The following TDRD5 variants were observed in gnomAD, a reference collection of about 807,000 sequenced individuals.
The protein encoded by TDRD5 is tudor domain-containing protein 5.
A neutral mutation model predicts 120.6 loss-of-function variants in TDRD5; 41 were observed. The observed-to-expected ratio is 0.34, with a 90% CI of 0.26 to 0.44. The LOEUF (loss-of-function observed/expected upper bound fraction) is 0.44, where lower values mean the gene tolerates loss of function less well. Among genes scored for constraint, TDRD5 ranks in the 20% least tolerant of loss-of-function variants. TDRD5 has a pLI of 1.00. For missense variants in TDRD5, 1,006 were observed against 1,221.2 expected, an observed-to-expected ratio of 0.82 and a Z score of 2.63; for synonymous variants, 430 against 433.7, an observed-to-expected ratio of 0.99 and a Z score of 0.11.
In TDRD5 at chr1:179,618,681, T is replaced by C; in HGVS notation, c.914T>C (p.Phe305Ser). Residue 305 changes from phenylalanine to serine, a missense_variant and splice_region_variant, in exon 5 of 18, where the codon TTT becomes TCT. Physicochemically the swap from Phe to Ser is radical, Grantham distance 155. Coordinates refer to ENST00000444136, the MANE Select transcript of TDRD5 (RefSeq NM_001199085.3). Reference protein sequence around the residue: ...ISSELKHKIKFVVSKFPEGLF... With the variant: ...ISSELKHKIKSVVSKFPEGLF... ...TCAGAACTAAAACATAAGATAAAAT[T>C]TGTAAGTAATTTCTGTTTCTGGGAG... 6.4e-7 allele frequency: 1 copy of C among 1,569,160 alleles called. No individual in the cohort carries two copies. Among genetic ancestry groups the C allele is most frequent in the South Asian group, 1.2e-5 (1 of 81,418 alleles).
chr1:179,625,554 A>C (rs981194081), intron 6 of TDRD5, among the ~76,000 whole-genome samples: 10 of 152,180 alleles, frequency 6.6e-5, no homozygotes, highest in African/African-American at 2.4e-4. Flanking sequence ...ATAAACTCAC[A>C]TTTTTGGTGC....
chr1:179,620,950 T>A, intron 5 of TDRD5, 85 bp from the exon 6 acceptor site: 1 of 1,084,344 alleles, frequency 9.2e-7, no homozygotes, highest in Non-Finnish European at 1.3e-6. Flanking sequence ...CTTTTGCCTT[T>A]GTTGTTATTT....
At chr1:179,637,700 G>A (rs1677839063) in intron 9 of TDRD5, among the ~76,000 whole-genome samples, 1 of 134,482 alleles carries the variant, frequency 7.4e-6, no homozygotes, top group Non-Finnish European at 1.6e-5. Context: ...GGGCAACAGA[G>A]TAAGGCCCTG....
Position 179,653,529 on chromosome 1 carries a change from A to C in TDRD5, c.2161-672A>C, listed in dbSNP as rs550238451. On this transcript the variant is annotated intron_variant, in intron 13 of 17. Coordinates refer to ENST00000444136, the MANE Select transcript of TDRD5 (RefSeq NM_001199085.3). ...ACTTTCCAAAGCCTGAATTTTTCTT[A>C]GTCATTATTACTGGACTAGGAGAAT... 4.3e-4 allele frequency among the ~76,000 whole-genome samples: 65 copies of C among 152,274 alleles called. No homozygotes were observed. The Middle Eastern group carries it at 0.01, about 24-fold the overall frequency.
intron 11 of TDRD5, among the ~76,000 whole-genome samples, chr1:179,641,455 G>T (rs543911251): frequency 6.6e-6 from 1 of 151,882 alleles, no homozygotes; most frequent in East Asian, 1.9e-4. Context: ...GCTTGAACCC[G>T]GGAGGCGGAG....
intron 6 of TDRD5, among the ~76,000 whole-genome samples, chr1:179,625,188 A>T (rs72706736): frequency 0.048 from 7,363 of 151,840 alleles, 267 homozygotes; most frequent in Non-Finnish European, 0.069. Flanking sequence ...AAATTATTTC[A>T]AGATGTATCA....
intron 3 of TDRD5, 140 bp downstream of exon 3, chr1:179,594,007 T>C: frequency 6.3e-6 from 7 of 1,107,612 alleles, no homozygotes; most frequent in Non-Finnish European, 8.8e-6. Flanking sequence ...TTCAATCTAC[T>C]TAAGCCTTAG....
chr1:179,611,961 A>G (rs963812579), intron 4 of TDRD5, among the ~76,000 whole-genome samples: 3 of 152,214 alleles, frequency 2.0e-5, no homozygotes, highest in African/African-American at 7.2e-5. Flanking sequence ...CAAACACTAC[A>G]AAATTATCAG....
chr1:179,622,027 T>C (rs1167980873), intron 6 of TDRD5, among the ~76,000 whole-genome samples: 4 of 152,204 alleles, frequency 2.6e-5, no homozygotes, highest in Admixed American at 1.3e-4. Flanking sequence ...TGTTAAGATA[T>C]ATAATTCTGT....
intron 5 of TDRD5, among the ~76,000 whole-genome samples, chr1:179,619,713 C>G (rs1558383733): frequency 6.6e-6 from 1 of 151,884 alleles, no homozygotes; most frequent in African/African-American, 2.4e-5. Flanking sequence ...ACCATCAACT[C>G]TGGGCTCAAG....
chr1:179,595,827 T>G lies in TDRD5; in HGVS notation c.831+9T>G, dbSNP rs760859378. The G allele has an allele frequency of 7.5e-6, 12 of 1,594,718 alleles. No homozygotes were observed. The highest frequency in any genetic ancestry group is 1.0e-5 in the Non-Finnish European group (12 of 1,171,458). On this transcript the variant is annotated intron_variant, in intron 4 of 17. Coordinates refer to ENST00000444136, the MANE Select transcript of TDRD5 (RefSeq NM_001199085.3). ...CTGAAAAATTAAACCAGGTGAGAGA[T>G]AAGAATTTGGAGATATAAATATACG...
chr1:179,660,442 A>G (rs1259067913), intron 14 of TDRD5, among the ~76,000 whole-genome samples: 1 of 151,474 alleles, frequency 6.6e-6, no homozygotes, highest in East Asian at 1.9e-4. Context: ...GGATGGTCTC[A>G]ATCTCCTGAC....
chr1:179,675,501 G>A (rs1423207304), intron 17 of TDRD5, among the ~76,000 whole-genome samples: 9 of 150,862 alleles, frequency 6.0e-5, no homozygotes, highest in Non-Finnish European at 1.2e-4. Flanking sequence ...GGATGGTCTC[G>A]ATCTCCTGAC....
chr1:179,600,027 A>T (rs547720144), intron 4 of TDRD5, among the ~76,000 whole-genome samples: 1 of 152,308 alleles, frequency 6.6e-6, no homozygotes, highest in Non-Finnish European at 1.5e-5. Context: ...TTACTAAAAA[A>T]ATTAATTGTA....
At chr1:179,685,854 G>A (rs1337958134) in intron 17 of TDRD5, among the ~76,000 whole-genome samples, 1 of 152,178 alleles carries the variant, frequency 6.6e-6, no homozygotes, top group Admixed American at 6.5e-5. Flanking sequence ...GTCTGTTATT[G>A]GTGTATAGTA....
intron 17 of TDRD5, among the ~76,000 whole-genome samples, chr1:179,680,884 A>C (rs535835942): frequency 6.6e-6 from 1 of 152,320 alleles, no homozygotes; most frequent in East Asian, 1.9e-4. Flanking sequence ...CCTCACTTTA[A>C]AGGTAGGAAA....
At chr1:179,616,830 C>T (rs887720031) in intron 4 of TDRD5, among the ~76,000 whole-genome samples, 1 of 152,140 alleles carries the variant, frequency 6.6e-6, no homozygotes, top group East Asian at 1.9e-4. Flanking sequence ...GATGTTTATG[C>T]GTTGATCTCA....
At chr1:179,685,497 T>C (rs542115764) in intron 17 of TDRD5, among the ~76,000 whole-genome samples, 1 of 152,332 alleles carries the variant, frequency 6.6e-6, no homozygotes, top group South Asian at 2.1e-4. Context: ...CTTTGTTCTT[T>C]TGGCTTAGGA....
intron 11 of TDRD5, 105 bp from the exon 12 acceptor site, chr1:179,650,761 TA>T: frequency 8.5e-7 from 1 of 1,174,560 alleles, no homozygotes; most frequent in South Asian, 1.4e-5. Flanking sequence ...TTTATGGTTT[TA>T]TTTCCACTTA....
Sources: allele counts gnomAD v4.1 joint callset (sites outside exome capture counted in the v4.1 genomes callset), GRCh38; gene constraint gnomAD v4.1.1; transcripts MANE v1.5; gene names NCBI Gene and HGNC (gene_info 2026-07-23, HGNC 2026-07-21).